Variants in PDE3A observed in about 807,000 individuals in gnomAD.
The protein encoded by PDE3A is phosphodiesterase 3A, also known as cGMP-inhibited 3',5'-cyclic phosphodiesterase 3A.
In PDE3A, 43 loss-of-function variants were observed where a neutral mutation model predicts 98.3. That is an observed-to-expected ratio of 0.44 (90% CI 0.34 to 0.56). PDE3A has a LOEUF of 0.56. Among genes scored for constraint, PDE3A ranks in the 20% least tolerant of loss-of-function variants. PDE3A has a pLI of 0.01. For missense variants in PDE3A, 1,427 were observed against 1,440.7 expected (o/e 0.99, Z 0.15); for synonymous variants, 663 against 567.9 (o/e 1.17, Z -2.38).
chr12:20,437,881 G>T (rs1944805075), intron 1 of PDE3A, among the ~76,000 whole-genome samples: 1 of 152,128 alleles, frequency 6.6e-6, no homozygotes, highest in African/African-American at 2.4e-5. Flanking sequence ...AGCTTGAAAG[G>T]TTGAAATGAA....
chr12:20,520,825 C>G (rs1357953802), intron 1 of PDE3A, among the ~76,000 whole-genome samples: 11 of 152,180 alleles, frequency 7.2e-5, no homozygotes, highest in Admixed American at 7.2e-4. Flanking sequence ...CTGAGAAATA[C>G]TAGCATCTGT....
At chr12:20,476,732 A>G (rs764796286) in intron 1 of PDE3A, among the ~76,000 whole-genome samples, 5 of 152,216 alleles carry the variant, frequency 3.3e-5, no homozygotes, top group African/African-American at 9.6e-5. Context: ...ATTCAAACCA[A>G]CGCCTGGGGT....
intron 1 of PDE3A, among the ~76,000 whole-genome samples, chr12:20,438,984 G>A (rs1476073074): frequency 6.6e-6 from 1 of 151,874 alleles, no homozygotes; most frequent in Non-Finnish European, 1.5e-5. Context: ...TAGTGAAGAC[G>A]GGGTTTCACC....
chr12:20,506,195 G>T, intron 1 of PDE3A, among the ~76,000 whole-genome samples: 1 of 151,720 alleles, frequency 6.6e-6, no homozygotes, highest in Non-Finnish European at 1.5e-5. Flanking sequence ...TTAATGCTAA[G>T]TCAGTGTTTA....
In PDE3A at chr12:20,642,829, C is replaced by T. The variant is rs528080016; in HGVS notation, c.2251+2872C>T. Among the ~76,000 whole-genome samples the T allele has an allele frequency of 9.9e-5, 15 of 151,582 alleles. No individual in the cohort carries two copies. The East Asian group carries it at 2.3e-3, about 23-fold the overall frequency. ...AACTACCAGAGTATTAACTATATTC[C>T]AAAAGAAAAAAAAATATTTAAAGTG... On this transcript the variant is annotated intron_variant, in intron 10 of 15. Coordinates refer to ENST00000359062, the MANE Select transcript of PDE3A (RefSeq NM_000921.5).
At chr12:20,604,259 TAAATA>T (rs1408423420) in intron 2 of PDE3A, among the ~76,000 whole-genome samples, 1 of 152,048 alleles carries the variant, frequency 6.6e-6, no homozygotes, top group African/African-American at 2.4e-5. Context: ...ATTTACTTTT[TAAATA>T]AAATAAAAAT....
chr12:20,498,386 AAGTG>A (rs1945962519), intron 1 of PDE3A, among the ~76,000 whole-genome samples: 1 of 151,886 alleles, frequency 6.6e-6, no homozygotes, highest in African/African-American at 2.4e-5. Context: ...TCAAGAAAAA[AAGTG>A]AGTGAGTGTG....
Position 20,390,211 on chromosome 12 carries a change from G to GGGAGCA in PDE3A, c.960+19971_960+19976dup, listed in dbSNP as rs1943887455. ...GGGGATGTGGGGCCGGTGTGGAGAGGGGAGCAGGATGAAGACTTGAGTGTT... is the reference window on the plus strand; with the variant it reads ...GGGGATGTGGGGCCGGTGTGGAGAGGGGAGCAGGAGCAGGATGAAGACTTGAGTGTT... On this transcript the variant is annotated intron_variant, in intron 1 of 15. Transcript: ENST00000359062. 3.3e-5 allele frequency among the ~76,000 whole-genome samples: 5 copies of GGGAGCA among 151,852 alleles called. No homozygotes were observed. The South Asian group carries it at 1.0e-3, about 31-fold the overall frequency.
chr12:20,537,356 G>A (rs1245691622), intron 1 of PDE3A, among the ~76,000 whole-genome samples: 2 of 151,864 alleles, frequency 1.3e-5, no homozygotes, highest in African/African-American at 4.8e-5. Flanking sequence ...CTCAGTCCTT[G>A]TATTGTCTTT....
chr12:20,654,650 C>G (rs969430355), intron 15 of PDE3A, among the ~76,000 whole-genome samples: 6 of 144,896 alleles, frequency 4.1e-5, no homozygotes, highest in Non-Finnish European at 7.5e-5. Context: ...GTGCGCAACA[C>G]TACACCCGGC....
rs970887217 is a variant in PDE3A at position 20,636,062 on chromosome 12, T to C, written c.2001+1006T>C. 4.6e-5 allele frequency among the ~76,000 whole-genome samples: 7 copies of C among 152,316 alleles called. No individual in the cohort carries two copies. The South Asian group carries it at 8.3e-4, about 18-fold the overall frequency. On this transcript the variant is annotated intron_variant, in intron 8 of 15. Transcript: ENST00000359062. ...AGATGAAGGAAGGGAGGGAAGAAGA[T>C]ATTCATTGTCTTAGGGCATCTGCTG...
intron 1 of PDE3A, among the ~76,000 whole-genome samples, chr12:20,401,241 T>G (rs1354060914): frequency 6.6e-6 from 1 of 152,224 alleles, no homozygotes; most frequent in Non-Finnish European, 1.5e-5. Flanking sequence ...CATCTGAATA[T>G]TAATTTATTC....
chr12:20,643,896 G>A (rs1194618878), intron 10 of PDE3A, among the ~76,000 whole-genome samples: 1 of 151,012 alleles, frequency 6.6e-6, no homozygotes, highest in East Asian at 2.0e-4. Context: ...GGGACAGGGT[G>A]GATTAGAGCT....
intron 1 of PDE3A, among the ~76,000 whole-genome samples, chr12:20,412,053 T>C (rs7954501): frequency 0.62 from 93,841 of 152,002 alleles, 30,739 homozygotes; most frequent in East Asian, 0.88. Flanking sequence ...GTATAGCTTA[T>C]CTTTTTCATT....
At chr12:20,523,719 G>A (rs1946469147) in intron 1 of PDE3A, among the ~76,000 whole-genome samples, 1 of 151,952 alleles carries the variant, frequency 6.6e-6, no homozygotes, top group African/African-American at 2.4e-5. Context: ...GTGATTCTTG[G>A]GATTTCTTTC....
At chr12:20,387,800 A>G (rs1310090934) in intron 1 of PDE3A, among the ~76,000 whole-genome samples, 2 of 152,028 alleles carry the variant, frequency 1.3e-5, no homozygotes, top group Non-Finnish European at 2.9e-5. Flanking sequence ...AAAAGATAAG[A>G]TATTTTAAAA....
intron 1 of PDE3A, among the ~76,000 whole-genome samples, chr12:20,470,279 G>C (rs935597701): frequency 6.6e-6 from 1 of 152,122 alleles, no homozygotes; most frequent in African/African-American, 2.4e-5. Flanking sequence ...AGTGGGAATG[G>C]AAAATAGTTT....
intron 11 of PDE3A, 44 bp downstream of exon 11, chr12:20,646,647 C>T (rs760564948): frequency 4.3e-6 from 6 of 1,395,982 alleles, no homozygotes; most frequent in South Asian, 3.5e-5. Flanking sequence ...AAGATGGGAA[C>T]AAGGGTGTTT....
At chr12:20,663,359 G>C (rs1218421571) in intron 15 of PDE3A, among the ~76,000 whole-genome samples, 1 of 152,180 alleles carries the variant, frequency 6.6e-6, no homozygotes, top group Non-Finnish European at 1.5e-5. Context: ...TTGTCCTCCA[G>C]ACCCCGGAAT....
Sources: allele counts gnomAD v4.1 joint callset (sites outside exome capture counted in the v4.1 genomes callset), GRCh38; gene constraint gnomAD v4.1.1; transcripts MANE v1.5; gene names NCBI Gene and HGNC (gene_info 2026-07-23, HGNC 2026-07-21).